The following EPSTI1 variants were observed in gnomAD, a reference collection of about 807,000 sequenced individuals.
EPSTI1 encodes the protein epithelial-stromal interaction protein 1.
A neutral mutation model predicts 49.9 loss-of-function variants in EPSTI1; 66 were observed. The ratio of observed to expected loss-of-function variants is 1.32; its 90% CI spans 1.08 to 1.62. The LOEUF is 1.62. EPSTI1 is among the 40% of genes most tolerant of loss of function. The probability of loss-of-function intolerance (pLI) is 0.00; values close to 1 mark genes in which losing one functional copy is unlikely to be tolerated. For missense variants in EPSTI1, 394 were observed against 365.5 expected (o/e 1.08, Z -0.64); for synonymous variants, 137 against 130.7 (o/e 1.05, Z -0.33).
intron 8 of EPSTI1, among the ~76,000 whole-genome samples, chr13:42,903,108 T>C (rs2037405249): frequency 6.6e-6 from 1 of 152,194 alleles, no homozygotes; most frequent in Non-Finnish European, 1.5e-5. Flanking sequence ...GTGAGTTTAA[T>C]ACAATGCATT....
rs1442592130 is a variant in EPSTI1 at position 42,966,555 on chromosome 13, C to A, written c.332-2416G>T. Among the ~76,000 whole-genome samples, 2 of 52,922 alleles carry A rather than the reference C, an allele frequency of 3.8e-5. 1 individual carries two copies. Among genetic ancestry groups the A allele is most frequent in the African/African-American group, 1.2e-4 (2 of 16,718 alleles). The allele number at this position is 52,922 out of a possible 152,430, so 34.7% of individuals were successfully genotyped here. On this transcript the variant is annotated intron_variant, in intron 3 of 10. Coordinates refer to ENST00000313624, the MANE Select transcript of EPSTI1 (RefSeq NM_033255.5). ...GGAGACCCTCTGCCTGGCAACCGCC[C>A]CGTCTGAGAAGTGAGGAGCCCCTCC...
At chr13:42,948,677 A>G (rs9590727) in intron 6 of EPSTI1, among the ~76,000 whole-genome samples, 7,120 of 151,876 alleles carry the variant, frequency 0.047, 566 homozygotes, top group African/African-American at 0.16. Flanking sequence ...AGGTCTCCCT[A>G]TGTTGCCCAA....
chr13:42,899,157 C>T (rs1413847518), intron 9 of EPSTI1, among the ~76,000 whole-genome samples: 1 of 149,694 alleles, frequency 6.7e-6, no homozygotes, highest in South Asian at 2.1e-4. Context: ...GAGATCCTGC[C>T]ACCGCACTCC....
At chr13:42,894,884 A>G in intron 10 of EPSTI1, 125 bp downstream of exon 10, 1 of 768,106 alleles carries the variant, frequency 1.3e-6, no homozygotes, top group African/African-American at 1.8e-5. Flanking sequence ...TGCCCATCAC[A>G]CTGCCAAACA....
intron 5 of EPSTI1, among the ~76,000 whole-genome samples, 200 bp from the exon 6 acceptor site, chr13:42,954,221 C>G (rs1032307886): frequency 2.0e-5 from 3 of 152,206 alleles, no homozygotes; most frequent in African/African-American, 7.2e-5. Flanking sequence ...CAAGTTCTTT[C>G]CACAGCTCCC....
At chr13:42,921,354 A>G (rs757941308) in intron 7 of EPSTI1, among the ~76,000 whole-genome samples, 2 of 152,192 alleles carry the variant, frequency 1.3e-5, no homozygotes, top group African/African-American at 2.4e-5. Flanking sequence ...TTCTGGAGGA[A>G]AATTATTTCC....
At position 42,977,689 on chromosome 13, in the gene EPSTI1, T is replaced by C. The variant is rs532741067; in HGVS notation, c.189-7019A>G. On this transcript the variant is annotated intron_variant, in intron 1 of 10. Transcript: ENST00000313624. ...CACCACATCAGTGGTAATCCGTTGC[T>C]GTACTGCCCAACTTCAAACCCTAAT... Among the ~76,000 whole-genome samples the C allele has an allele frequency of 3.9e-5, 6 of 152,356 alleles. No individual in the cohort carries two copies. The East Asian group carries it at 1.2e-3, about 29-fold the overall frequency.
At chr13:42,906,260 AG>A (rs2153413928) in intron 8 of EPSTI1, among the ~76,000 whole-genome samples, 1 of 147,550 alleles carries the variant, frequency 6.8e-6, no homozygotes, top group East Asian at 1.9e-4. Context: ...GTTCTACAGA[AG>A]GGTCAACTAT....
In EPSTI1 at chr13:42,888,150, A is replaced by G; in HGVS notation, c.*344T>C. The stretch of plus-strand genomic sequence containing the variant: ...AATTAGATAAGAATATGTCACTTAG[A>G]AAGACAAGCCTGTAGCACCCATAGC... On this transcript the variant is annotated 3_prime_UTR_variant, in exon 11 of 11. Coordinates refer to ENST00000313624, the MANE Select transcript of EPSTI1 (RefSeq NM_033255.5). The G allele has an allele frequency of 1.4e-6, 2 of 1,388,994 alleles. No individual in the cohort carries two copies. Among genetic ancestry groups the G allele is most frequent in the Non-Finnish European group, 2.0e-6 (2 of 1,020,798 alleles). The allele number at this position is 1,388,994 out of a possible 1,614,324, so 86.0% of individuals were successfully genotyped here.
At chr13:42,966,750 G>T (rs1225234510) in intron 3 of EPSTI1, among the ~76,000 whole-genome samples, 1 of 90,730 alleles carries the variant, frequency 1.1e-5, no homozygotes, top group Non-Finnish European at 2.5e-5. Context: ...GGGCGCCTCC[G>T]CCCGGCCACC....
At chr13:42,974,527 T>C (rs537060274) in intron 1 of EPSTI1, among the ~76,000 whole-genome samples, 2,866 of 151,574 alleles carry the variant, frequency 0.019, 83 homozygotes, top group African/African-American at 0.066. Context: ...GGCGTGGTGG[T>C]GGGCGCCTAT....
chr13:42,981,424 T>C (rs1462348972), intron 1 of EPSTI1, among the ~76,000 whole-genome samples: 1 of 152,236 alleles, frequency 6.6e-6, no homozygotes, highest in African/African-American at 2.4e-5. Context: ...GCTTTCATCA[T>C]CCTGTTGATT....
chr13:42,970,645 G>T lies in EPSTI1; in HGVS notation c.214C>A (p.Pro72Thr), dbSNP rs762482634. The T allele has an allele frequency of 1.2e-6, 2 of 1,610,216 alleles. No homozygotes were observed. Among genetic ancestry groups the T allele is most frequent in the Admixed American group, 1.7e-5 (1 of 59,550 alleles). Reference sequence around the variant, plus strand: ...ATCTCATTTCTCCGGTTTATATTTGGTGCTATCAAGGTGTATGCACTTGTG... The same window carrying T: ...ATCTCATTTCTCCGGTTTATATTTGTTGCTATCAAGGTGTATGCACTTGTG... Reference protein sequence around the residue: ...RRTSAYTLIAPNINRRNEIQR... With the variant: ...RRTSAYTLIATNINRRNEIQR... The change falls in exon 2 of 11, where the codon CCA becomes ACA. Residue 72 changes from proline (P) to threonine (T), a missense_variant. Pro to Thr is a conservative substitution (Grantham distance 38, BLOSUM62 -1). Transcript: ENST00000313624.
At chr13:42,934,314 G>A (rs768484800) in intron 6 of EPSTI1, 11 of 154,988 alleles carry the variant, frequency 7.1e-5, no homozygotes, top group Admixed American at 2.0e-4. Context: ...TATGAGTTAC[G>A]AACACCAGCT....
In EPSTI1 at chr13:42,887,542, T is replaced by A. The variant is rs1317103155; in HGVS notation, c.*952A>T. On this transcript the variant is annotated 3_prime_UTR_variant, in exon 11 of 11. Coordinates refer to ENST00000313624, the MANE Select transcript of EPSTI1 (RefSeq NM_033255.5). Reference sequence around the variant, plus strand: ...TGAATGTAATGCTTTTGCTATACAATGTGGTGGCTGGGGGACGGTGAGGCG... The same window carrying A: ...TGAATGTAATGCTTTTGCTATACAAAGTGGTGGCTGGGGGACGGTGAGGCG... The A allele has an allele frequency of 6.6e-6, 1 of 152,232 alleles. No homozygotes were observed. Among genetic ancestry groups the A allele is most frequent in the Non-Finnish European group, 1.5e-5 (1 of 68,070 alleles). The allele number at this position is 152,232 out of a possible 1,614,324, so 9.4% of individuals were successfully genotyped here.
At chr13:42,907,998 C>A (rs2153414624) in intron 8 of EPSTI1, among the ~76,000 whole-genome samples, 1 of 152,294 alleles carries the variant, frequency 6.6e-6, no homozygotes, top group East Asian at 1.9e-4. Context: ...GGGGAAAGGA[C>A]AGTCTCCTCA....
At chr13:42,973,978 A>G (rs2039821648) in intron 1 of EPSTI1, among the ~76,000 whole-genome samples, 1 of 152,244 alleles carries the variant, frequency 6.6e-6, no homozygotes, top group Non-Finnish European at 1.5e-5. Flanking sequence ...GGGAGAATAT[A>G]TGAAAGAACA....
chr13:42,927,612 G>A (rs560723188), intron 6 of EPSTI1, among the ~76,000 whole-genome samples: 3 of 152,186 alleles, frequency 2.0e-5, no homozygotes, highest in Admixed American at 6.5e-5. Context: ...CTAAACAGGT[G>A]CCAGCATCAC....
intron 2 of EPSTI1, 194 bp downstream of exon 2, chr13:42,970,418 A>C: frequency 2.1e-6 from 1 of 470,620 alleles, no homozygotes; most frequent in Non-Finnish European, 3.7e-6. Flanking sequence ...TCTGTTACTA[A>C]CGTAGAGAAA....
Sources: allele counts gnomAD v4.1 joint callset (sites outside exome capture counted in the v4.1 genomes callset), GRCh38; gene constraint gnomAD v4.1.1; transcripts MANE v1.5; gene names NCBI Gene and HGNC (gene_info 2026-07-23, HGNC 2026-07-21).